TUG1: variants seen among roughly 807,000 people sequenced by gnomAD.
TUG1 encodes taurine upregulated gene 1.
chr22:30,974,112 G>A (rs1230758318), intron 2 of TUG1: 1 of 151,996 alleles, frequency 6.6e-6, no homozygotes, highest in Non-Finnish European at 1.5e-5. Context: ...GCTTGTCTAT[G>A]GTCCTATCTT....
At chr22:30,970,749 A>G (rs2041220746) in exon 1 of TUG1, 1 of 152,204 alleles carries the variant, frequency 6.6e-6, no homozygotes, top group Non-Finnish European at 1.5e-5. Context: ...CAGCTAATTA[A>G]TGGTGCACGT....
exon 3 of TUG1, chr22:30,979,375 T>TA (rs1471288353): frequency 1.3e-5 from 2 of 152,172 alleles, no homozygotes; most frequent in Non-Finnish European, 2.9e-5. Flanking sequence ...TTATTTTAAA[T>TA]AAAGAATTTT....
At chr22:30,974,212 T>G (rs994843803) in intron 2 of TUG1, 2 of 152,048 alleles carry the variant, frequency 1.3e-5, no homozygotes, top group African/African-American at 4.8e-5. Flanking sequence ...GGAGAAAGCT[T>G]CTGTTACCTA....
exon 3 of TUG1, chr22:30,976,664 A>C (rs1278134114): frequency 1.3e-5 from 2 of 152,192 alleles, no homozygotes. Flanking sequence ...CAGTTTATGA[A>C]CTCTCAGACC....
At chr22:30,971,541 A>G (rs1163479605) in exon 1 of TUG1, 1 of 152,692 alleles carries the variant, frequency 6.5e-6, no homozygotes, top group Non-Finnish European at 1.5e-5. Context: ...TGGACTCCAG[A>G]TTTCCAGATT....
chr22:30,979,336 T>C (rs911867347), exon 3 of TUG1: 2 of 152,206 alleles, frequency 1.3e-5, no homozygotes, highest in African/African-American at 4.8e-5. Context: ...TGTATTAATA[T>C]TTTACACTAC....
exon 1 of TUG1, chr22:30,970,302 G>A (rs1460612953): frequency 6.6e-6 from 1 of 152,264 alleles, no homozygotes; most frequent in African/African-American, 2.4e-5. Flanking sequence ...AGAGGAAACT[G>A]AGGCCTAGAT....
exon 3 of TUG1, chr22:30,978,294 G>C (rs2041312563): frequency 6.6e-6 from 1 of 152,292 alleles, no homozygotes; most frequent in East Asian, 1.9e-4. Flanking sequence ...ATGGATTACA[G>C]ACTTCTTGAG....
chr22:30,973,527 C>T (rs912230420), exon 2 of TUG1: 1 of 152,186 alleles, frequency 6.6e-6, no homozygotes, highest in Non-Finnish European at 1.5e-5. Flanking sequence ...AGTCCCCTTA[C>T]CTAACAGCAT....
exon 3 of TUG1, chr22:30,977,434 A>G (rs971384917): frequency 3.9e-5 from 6 of 152,114 alleles, no homozygotes. Context: ...ACAGAACCTC[A>G]AGTCTGATTG....
chr22:30,978,929 A>G (rs1437106839), exon 3 of TUG1: 1 of 152,228 alleles, frequency 6.6e-6, no homozygotes, highest in African/African-American at 2.4e-5. Flanking sequence ...AGATCCAAGT[A>G]TTTATTAAGC....
At chr22:30,976,283 A>G (rs952584159) in exon 3 of TUG1, 15 of 151,924 alleles carry the variant, frequency 9.9e-5, no homozygotes, top group African/African-American at 3.4e-4. Context: ...TTGTGCCGAG[A>G]GATGTTCTTT....
exon 2 of TUG1, chr22:30,973,497 T>C (rs1602530798): frequency 6.6e-6 from 1 of 152,196 alleles, no homozygotes; most frequent in Non-Finnish European, 1.5e-5. Context: ...TTTACACAAA[T>C]GTAAGAAATT....
At chr22:30,972,966 A>G (rs1602530335) in exon 2 of TUG1, 1 of 153,292 alleles carries the variant, frequency 6.5e-6, no homozygotes, top group African/African-American at 2.4e-5. Context: ...GATGATTCCT[A>G]CCACCTTACT....
At chr22:30,971,396 GAAA>G (rs534138097) in exon 1 of TUG1, 2 of 152,044 alleles carry the variant, frequency 1.3e-5, no homozygotes, top group African/African-American at 4.9e-5. Context: ...AGAAAGGAGG[GAAA>G]AAAAACAACT....
chr22:30,975,911 T>C (rs1411283193), exon 3 of TUG1: 2 of 150,704 alleles, frequency 1.3e-5, no homozygotes, highest in South Asian at 2.1e-4. Context: ...ATTCAAATAC[T>C]GGCAACATTT....
exon 2 of TUG1, chr22:30,973,525 T>C (rs536089069): frequency 1.3e-5 from 2 of 152,308 alleles, no homozygotes; most frequent in East Asian, 3.9e-4. Context: ...GGAGTCCCCT[T>C]ACCTAACAGC....
At chr22:30,973,473 A>G (rs990036568) in exon 2 of TUG1, 1 of 152,200 alleles carries the variant, frequency 6.6e-6, no homozygotes, top group Non-Finnish European at 1.5e-5. Context: ...GGAATTACTC[A>G]GGAACCAGAA....
At chr22:30,974,692 G>A (rs1160776311) in intron 2 of TUG1, 1 of 152,142 alleles carries the variant, frequency 6.6e-6, no homozygotes, top group Non-Finnish European at 1.5e-5. Flanking sequence ...GAAAGGAATG[G>A]AAGAAAGTTA....
Sources: gnomAD v4.1 joint callset for allele counts on GRCh38, gnomAD v4.1.1 for gene constraint, MANE v1.5 for transcripts, NCBI Gene and HGNC (gene_info 2026-07-23, HGNC 2026-07-21) for gene names.